Variants in NKX1-2 observed in about 807,000 individuals in gnomAD.
The protein encoded by NKX1-2 is NK1 homeobox 2, also known as NK1 transcription factor-related protein 2.
Under a neutral mutation model 4.4 loss-of-function variants are expected in NKX1-2, and 1 was observed. The ratio of observed to expected loss-of-function variants is 0.23; its 90% CI spans 0.08 to 1.08. The LOEUF is 1.08. NKX1-2 is among the 50% of genes least tolerant of loss of function. The pLI, the probability that NKX1-2 is intolerant of heterozygous loss-of-function variation, is 0.55. For missense variants in NKX1-2, 503 were observed against 464.6 expected (o/e 1.08, Z -0.76); for synonymous variants, 235 against 228.0 (o/e 1.03, Z -0.28).
In NKX1-2 at chr10:124,449,716, G is replaced by A; in HGVS notation, c.214+14C>T. The A allele has an allele frequency of 3.9e-6, 6 of 1,541,760 alleles. No homozygotes were observed. Among genetic ancestry groups the A allele is most frequent in the Middle Eastern group, 3.3e-4 (2 of 5,972 alleles). ...GCTGAGGCCTCCTGGGGCCGGGGCC[G>A]CCTTGCATCTTACCAGGGGTCTCCA... On this transcript the variant is annotated intron_variant, in intron 1 of 1. Transcript: ENST00000451024. The surrounding 1 kb of genome is among the most constrained non-coding windows in gnomAD (Gnocchi z 7.5).
Position 124,447,624 on chromosome 10 carries a change from G to A in NKX1-2, c.738C>T (p.Gly246=). 1 of 1,278,280 alleles carries A rather than the reference G, an allele frequency of 7.8e-7. No individual in the cohort carries two copies. 79.2% of individuals were successfully genotyped at this position (1,278,280 alleles called of 1,614,324 possible). ...PQPGAAGGGG[G]GGSGGSPGPP... ...GGCCAGGACTGCCCCCCGAGCCGCC[G>A]CCGCCGCCGCCCCCCGCCGCCCCTG... Residue 246 remains glycine, a synonymous_variant, in exon 2 of 2, where the codon GGC becomes GGT. Transcript: ENST00000451024.
rs1475071613 is a variant in NKX1-2, at chr10:124,449,968, C to A, written c.-25G>T. 5 of 1,503,178 alleles carry A rather than the reference C, an allele frequency of 3.3e-6. No homozygotes were observed. In the South Asian group the frequency reaches 3.8e-5, roughly 11 times the overall value. 93.1% of individuals were successfully genotyped at this position (1,503,178 alleles called of 1,614,324 possible). On this transcript the variant is annotated 5_prime_UTR_variant, in exon 1 of 2. Transcript: ENST00000451024. The surrounding 1 kb of genome is among the most constrained non-coding windows in gnomAD (Gnocchi z 7.5). ...TGCCCGTCGCCCACGGGCCGGCGGT[C>A]GGCGGCGCGGGGTTGGGGATGGCGC...
Position 124,445,650 on chromosome 10 carries a change from T to G in NKX1-2, c.*1779A>C, listed in dbSNP as rs1952231791. 1 of 152,222 alleles carries G rather than the reference T, an allele frequency of 6.6e-6. No homozygotes were observed. Among genetic ancestry groups the G allele is most frequent in the Non-Finnish European group, 1.5e-5 (1 of 68,044 alleles). The allele number at this position is 152,222 out of a possible 1,614,324, so 9.4% of individuals were successfully genotyped here. On this transcript the variant is annotated 3_prime_UTR_variant, in exon 2 of 2. Coordinates refer to ENST00000451024, the MANE Select transcript of NKX1-2 (RefSeq NM_001146340.3). ...TGTTTACCGAAGTGTAAGGTGAATATTATCTAGTAGAGTAACTGCATTTTT... is the reference window on the plus strand; with the variant it reads ...TGTTTACCGAAGTGTAAGGTGAATAGTATCTAGTAGAGTAACTGCATTTTT...
In NKX1-2 at chr10:124,447,940, G is replaced by T. The variant is rs1300561084; in HGVS notation, c.422C>A (p.Ser141Tyr). 3.6e-6 allele frequency: 5 copies of T among 1,395,312 alleles called. No individual in the cohort carries two copies. Among genetic ancestry groups the T allele is most frequent in the East Asian group, 6.2e-5 (2 of 32,502 alleles). 86.4% of individuals were successfully genotyped at this position (1,395,312 alleles called of 1,614,324 possible). Reference protein sequence around the residue: ...CEDGGGGPVRSPPGSPGSPRP... With the variant: ...CEDGGGGPVRYPPGSPGSPRP... ...CGGGGAGCCGGGGGATCCCGGGGGG[G>T]ACCTCACAGGGCCGCCCCCGCCGTC... The change falls in exon 2 of 2, where the codon TCC becomes TAC. Residue 141 changes from serine (S) to tyrosine (Y), a missense_variant. Coordinates refer to ENST00000451024, the MANE Select transcript of NKX1-2 (RefSeq NM_001146340.3).
rs943353193 is a variant in NKX1-2 at position 124,447,789 on chromosome 10, G to A, written c.573C>T (p.Cys191=). The A allele has an allele frequency of 5.4e-6, 8 of 1,481,056 alleles. No individual in the cohort carries two copies. The highest frequency in any genetic ancestry group is 4.4e-5 in the African/African-American group (3 of 68,502). 91.7% of individuals were successfully genotyped at this position (1,481,056 alleles called of 1,614,324 possible). A position where few individuals can be genotyped will look rare whatever the true frequency, so the allele number is the denominator to read the frequency against. ...GAGACAGCGCGAGGTTCAGGCGCTC[G>A]CACACTGACAGGTAGCGCGTGGCCC... ...KFRATRYLSV[C]ERLNLALSLS... is the part of the protein sequence containing the mutation. The change falls in exon 2 of 2, where the codon TGC becomes TGT. Residue 191 remains cysteine, a synonymous_variant. Coordinates refer to ENST00000451024, the MANE Select transcript of NKX1-2 (RefSeq NM_001146340.3).
chr10:124,447,692 C>G lies in NKX1-2; in HGVS notation c.670G>C (p.Gly224Arg), dbSNP rs933895364. The G allele has an allele frequency of 5.9e-5, 84 of 1,433,236 alleles. No individual in the cohort carries two copies. Among genetic ancestry groups the G allele is most frequent in the Non-Finnish European group, 7.4e-5 (80 of 1,082,678 alleles). 88.8% of individuals were successfully genotyped at this position (1,433,236 alleles called of 1,614,324 possible). ...RRTKWKKQNP[G>R]ADGAAQVGGG... ...CCCACCTGCGCCGCGCCGTCGGCAC[C>G]CGGGTTCTGCTTCTTCCACTTGGTC... is the stretch of plus-strand genomic sequence containing the variant. The change falls in exon 2 of 2, where the codon GGT (glycine) becomes CGT (arginine). Residue 224 changes from glycine (G) to arginine (R), a missense_variant. Gly to Arg is a moderately radical substitution (Grantham distance 125, BLOSUM62 -2). Coordinates refer to ENST00000451024, the MANE Select transcript of NKX1-2 (RefSeq NM_001146340.3).
In NKX1-2 at chr10:124,448,213, T is replaced by G; in HGVS notation, c.215-66A>C. The stretch of plus-strand genomic sequence containing the variant: ...CCCCAAACCTCGTCCTCGTCCTCCC[T>G]AGAGCAAGCAGCTGTCCCCCCAACC... On this transcript the variant is annotated intron_variant, in intron 1 of 1. Coordinates refer to ENST00000451024, the MANE Select transcript of NKX1-2 (RefSeq NM_001146340.3). The surrounding 1 kb of genome is among the most constrained non-coding windows in gnomAD (Gnocchi z 4.1). 7.3e-7 allele frequency: 1 copy of G among 1,367,402 alleles called. No individual in the cohort carries two copies. The highest frequency in any genetic ancestry group is 9.4e-7 in the Non-Finnish European group (1 of 1,064,782). 84.7% of individuals were successfully genotyped at this position (1,367,402 alleles called of 1,614,324 possible). A position where few individuals can be genotyped will look rare whatever the true frequency, so the allele number is the denominator to read the frequency against.
Position 124,447,084 on chromosome 10 carries a change from C to T in NKX1-2, c.*345G>A, listed in dbSNP as rs1263534145. 1 of 197,950 alleles carries T rather than the reference C, an allele frequency of 5.1e-6. No homozygotes were observed. 12.3% of individuals were successfully genotyped at this position (197,950 alleles called of 1,614,324 possible). A position where few individuals can be genotyped will look rare whatever the true frequency, so the allele number is the denominator to read the frequency against. On this transcript the variant is annotated 3_prime_UTR_variant, in exon 2 of 2. Transcript: ENST00000451024. ...TTCCATCCTAGCCGCCAGCAGCTGG[C>T]AGCCAGGGCGTCTCTGCTCCCTGTA...
In NKX1-2 at chr10:124,448,125, GC is replaced by G; in HGVS notation, c.236del (p.Gly79AlafsTer36). The G allele has an allele frequency of 6.7e-7, 1 of 1,493,386 alleles. No homozygotes were observed. The highest frequency in any genetic ancestry group is 8.9e-7 in the Non-Finnish European group (1 of 1,128,008). 92.5% of individuals were successfully genotyped at this position (1,493,386 alleles called of 1,614,324 possible). The stretch of plus-strand genomic sequence containing the variant: ...CGGAACCCTCCAGGGGGGACGCCTG[GC>G]CGGCGCCTGGGCCCGCAGCATCTAG... ...ETPDAAGPGA[G>X]QASPLEGSEA... On this transcript the variant is annotated frameshift_variant, in exon 2 of 2. Transcript: ENST00000451024. LOFTEE classifies it low-confidence loss of function (END_TRUNC). The surrounding 1 kb of genome is among the most constrained non-coding windows in gnomAD (Gnocchi z 4.1).
In NKX1-2 at chr10:124,447,831, G is replaced by A; in HGVS notation, c.531C>T (p.Ala177=). The A allele has an allele frequency of 6.8e-7, 1 of 1,474,480 alleles. No individual in the cohort carries two copies. The highest frequency in any genetic ancestry group is 9.0e-7 in the Non-Finnish European group (1 of 1,105,186). 91.3% of individuals were successfully genotyped at this position (1,474,480 alleles called of 1,614,324 possible). A position where few individuals can be genotyped will look rare whatever the true frequency, so the allele number is the denominator to read the frequency against. ...RTAFTYEQLV[A]LENKFRATRY... ...GCGTGGCCCGGAACTTGTTCTCCAA[G>A]GCCACCAGCTGCTCGTAGGTGAAGG... The change falls in exon 2 of 2, where the codon GCC becomes GCT. Residue 177 remains alanine (A), a synonymous_variant. Coordinates refer to ENST00000451024, the MANE Select transcript of NKX1-2 (RefSeq NM_001146340.3).
In NKX1-2 at chr10:124,448,037, G is replaced by T; in HGVS notation, c.325C>A (p.Arg109Ser). Residue 109 changes from arginine to serine, a missense_variant, in exon 2 of 2, where the codon CGC (arginine) becomes AGC (serine). Arg to Ser is a moderately radical substitution (Grantham distance 110). Coordinates refer to ENST00000451024, the MANE Select transcript of NKX1-2 (RefSeq NM_001146340.3). The surrounding 1 kb of genome is among the most constrained non-coding windows in gnomAD (Gnocchi z 4.1). The stretch of plus-strand genomic sequence containing the variant: ...GAGCGCGCTAGGCCCGGCAGCAAGC[G>T]CGCAGCCCGCTCCCGCAGCCGCGGC... Reference protein sequence around the residue: ...RRPRLRERAARLLPGLARSPD... With the variant: ...RRPRLRERAASLLPGLARSPD... The T allele has an allele frequency of 4.0e-6, 6 of 1,517,340 alleles. No homozygotes were observed. The highest frequency in any genetic ancestry group is 5.3e-6 in the Non-Finnish European group (6 of 1,137,976). 94.0% of individuals were successfully genotyped at this position (1,517,340 alleles called of 1,614,324 possible).
In NKX1-2 at chr10:124,445,747, GAA is replaced by G. The variant is rs1952232456; in HGVS notation, c.*1680_*1681del. 6.6e-6 allele frequency: 1 copy of G among 152,130 alleles called. No individual in the cohort carries two copies. The allele number at this position is 152,130 out of a possible 1,614,324, so 9.4% of individuals were successfully genotyped here. On this transcript the variant is annotated 3_prime_UTR_variant, in exon 2 of 2. Transcript: ENST00000451024. Reference sequence around the variant, plus strand: ...TTTGGGGGACATTCTTCTTTAGAAGGAAAAGAGTCTAATTAGTGGATATTAAG... The same window carrying G: ...TTTGGGGGACATTCTTCTTTAGAAGGAAGAGTCTAATTAGTGGATATTAAG...
chr10:124,448,973 T>C lies in NKX1-2; in HGVS notation c.214+757A>G, dbSNP rs929167898. ...CGGCATCCAGCCTCCCCCGATGACC[T>C]GAGCCTCTGACCCTCCAGGGAGCCG... On this transcript the variant is annotated intron_variant, in intron 1 of 1. Transcript: ENST00000451024. This position sits in a 1 kb window ranked among gnomAD's most constrained non-coding sequence, Gnocchi z 4.1. Among the ~76,000 whole-genome samples the C allele has an allele frequency of 1.6e-4, 25 of 152,312 alleles. No homozygotes were observed. In the South Asian group the frequency reaches 3.7e-3, roughly 23 times the overall value.
rs549237844 is a variant in NKX1-2, at chr10:124,448,075, T to G, written c.287A>C (p.Glu96Ala). Residue 96 changes from glutamate to alanine, a missense_variant, in exon 2 of 2, where the codon GAG becomes GCG. By Grantham distance (107) the Glu-to-Ala change is moderately radical. Coordinates refer to ENST00000451024, the MANE Select transcript of NKX1-2 (RefSeq NM_001146340.3). This position sits in a 1 kb window ranked among gnomAD's most constrained non-coding sequence, Gnocchi z 4.1. ...CCGCAGCCGCGGCCTCCTCGGATCC[T>G]CCGCATCCTCCTCCTCTTCCGCCTC... ...GSEAEEEEDA[E>A]DPRRPRLRER... 10 of 1,522,540 alleles carry G rather than the reference T, an allele frequency of 6.6e-6. No individual in the cohort carries two copies. In the South Asian group the frequency reaches 8.4e-5, roughly 13 times the overall value. 94.3% of individuals were successfully genotyped at this position (1,522,540 alleles called of 1,614,324 possible). A position where few individuals can be genotyped will look rare whatever the true frequency, so the allele number is the denominator to read the frequency against.
Position 124,448,010 on chromosome 10 carries a change from G to GT in NKX1-2, c.351dup (p.Pro118ThrfsTer2). On this transcript the variant is annotated frameshift_variant, in exon 2 of 2. Transcript: ENST00000451024. LOFTEE classifies it low-confidence loss of function (END_TRUNC). This position sits in a 1 kb window ranked among gnomAD's most constrained non-coding sequence, Gnocchi z 4.1. ...GCCAATGCCCCGGCCGGGGCGTCAG[G>GT]TGAGCGCGCTAGGCCCGGCAGCAAG... 6.7e-7 allele frequency: 1 copy of GT among 1,503,194 alleles called. No individual in the cohort carries two copies. The highest frequency in any genetic ancestry group is 8.8e-7 in the Non-Finnish European group (1 of 1,132,124). 93.1% of individuals were successfully genotyped at this position (1,503,194 alleles called of 1,614,324 possible). A position where few individuals can be genotyped will look rare whatever the true frequency, so the allele number is the denominator to read the frequency against.
Position 124,448,245 on chromosome 10 carries a change from T to C in NKX1-2, c.215-98A>G, listed in dbSNP as rs1589736363. The C allele has an allele frequency of 7.5e-7, 1 of 1,339,874 alleles. No individual in the cohort carries two copies. The highest frequency in any genetic ancestry group is 9.5e-7 in the Non-Finnish European group (1 of 1,049,656). The allele number at this position is 1,339,874 out of a possible 1,614,324, so 83.0% of individuals were successfully genotyped here. A position where few individuals can be genotyped will look rare whatever the true frequency, so the allele number is the denominator to read the frequency against. ...AGCAGCTGTCCCCCCAACCCAACTC[T>C]GGGTGCTGCTCCTGTCCCCACATCG... On this transcript the variant is annotated intron_variant, in intron 1 of 1. Transcript: ENST00000451024. The surrounding 1 kb of genome is among the most constrained non-coding windows in gnomAD (Gnocchi z 4.1).
rs958524118 is a variant in NKX1-2, at chr10:124,445,770, T to G, written c.*1659A>C. 5 of 152,202 alleles carry G rather than the reference T, an allele frequency of 3.3e-5. No individual in the cohort carries two copies. Among genetic ancestry groups the G allele is most frequent in the Admixed American group, 1.3e-4 (2 of 15,280 alleles). The allele number at this position is 152,202 out of a possible 1,614,324, so 9.4% of individuals were successfully genotyped here. A position where few individuals can be genotyped will look rare whatever the true frequency, so the allele number is the denominator to read the frequency against. ...AGGAAAAGAGTCTAATTAGTGGATA[T>G]TAAGTAATTAAATAATACATACTAT... On this transcript the variant is annotated 3_prime_UTR_variant, in exon 2 of 2. Coordinates refer to ENST00000451024, the MANE Select transcript of NKX1-2 (RefSeq NM_001146340.3).
In NKX1-2 at chr10:124,445,869, T is replaced by C. The variant is rs1334943604; in HGVS notation, c.*1560A>G. ...GAGAAATGGGGAATATTTTCTATCA[T>C]TCCTGATAACAGAACTAGATATTTC... is the stretch of plus-strand genomic sequence containing the variant. On this transcript the variant is annotated 3_prime_UTR_variant, in exon 2 of 2. Coordinates refer to ENST00000451024, the MANE Select transcript of NKX1-2 (RefSeq NM_001146340.3). 1 of 152,348 alleles carries C rather than the reference T, an allele frequency of 6.6e-6. No individual in the cohort carries two copies. Among genetic ancestry groups the C allele is most frequent in the Non-Finnish European group, 1.5e-5 (1 of 68,034 alleles). The allele number at this position is 152,348 out of a possible 1,614,324, so 9.4% of individuals were successfully genotyped here.
Position 124,445,778 on chromosome 10 carries a change from TTA to T in NKX1-2, c.*1649_*1650del, listed in dbSNP as rs1374060271. On this transcript the variant is annotated 3_prime_UTR_variant, in exon 2 of 2. Transcript: ENST00000451024. Reference sequence around the variant, plus strand: ...AGTCTAATTAGTGGATATTAAGTAATTAAATAATACATACTATCAAATATTAT... The same window carrying T: ...AGTCTAATTAGTGGATATTAAGTAATAATAATACATACTATCAAATATTAT... 1 of 152,200 alleles carries T rather than the reference TTA, an allele frequency of 6.6e-6. No individual in the cohort carries two copies. The highest frequency in any genetic ancestry group is 1.5e-5 in the Non-Finnish European group (1 of 68,040). The allele number at this position is 152,200 out of a possible 1,614,324, so 9.4% of individuals were successfully genotyped here. A position where few individuals can be genotyped will look rare whatever the true frequency, so the allele number is the denominator to read the frequency against.
Sources: gnomAD v4.1 joint callset for allele counts (sites outside exome capture counted in the v4.1 genomes callset) on GRCh38, gnomAD v4.1.1 for gene constraint, Gnocchi (gnomAD v3.1) non-coding constraint, MANE v1.5 for transcripts, NCBI Gene and HGNC (gene_info 2026-07-23, HGNC 2026-07-21) for gene names.